Variants in TEX14 observed in about 807,000 individuals in gnomAD.
The protein encoded by TEX14 is inactive serine/threonine-protein kinase TEX14.
Under a neutral mutation model 178.6 loss-of-function variants are expected in TEX14, and 168 were observed. The ratio of observed to expected loss-of-function variants is 0.94; its 90% CI spans 0.83 to 1.07. The LOEUF (loss-of-function observed/expected upper bound fraction) is 1.07. Among genes scored for constraint, TEX14 ranks in the 50% least tolerant of loss-of-function variants. TEX14 has a pLI of 0.00. For missense variants in TEX14, 1,730 were observed against 1,753.6 expected (o/e 0.99, Z 0.24); for synonymous variants, 626 against 634.1 (o/e 0.99, Z 0.19).
chr17:58,565,699 G>A (rs1301450634), intron 27 of TEX14, 48 bp downstream of exon 27: 2 of 1,406,446 alleles, frequency 1.4e-6, no homozygotes, highest in South Asian at 1.2e-5. Flanking sequence ...TGTTGCCAAG[G>A]ACAGCGTTAA....
chr17:58,664,467 A>G (rs541174789), intron 1 of TEX14, among the ~76,000 whole-genome samples: 20 of 152,220 alleles, frequency 1.3e-4, no homozygotes, highest in Non-Finnish European at 2.5e-4. Flanking sequence ...TCAAGTCATT[A>G]CTTACATGTA....
intron 2 of TEX14, among the ~76,000 whole-genome samples, chr17:58,633,800 CTACTAAAAAG>C (rs2046373593): frequency 6.6e-6 from 1 of 152,034 alleles, no homozygotes; most frequent in African/African-American, 2.4e-5. Context: ...AACCTCGTCT[CTACTAAAAAG>C]TACAAAAATT....
chr17:58,570,051 A>C (rs2044484598), intron 25 of TEX14, among the ~76,000 whole-genome samples: 1 of 152,134 alleles, frequency 6.6e-6, no homozygotes, highest in African/African-American at 2.4e-5. Context: ...TTTAATAACA[A>C]GGGAAAAGCC....
chr17:58,592,027 C>CT (rs2045155646), intron 15 of TEX14, among the ~76,000 whole-genome samples: 2 of 150,554 alleles, frequency 1.3e-5, no homozygotes, highest in African/African-American at 4.9e-5. Context: ...CCACTGCACT[C>CT]TATCTAGCCT....
At chr17:58,587,791 A>C in intron 16 of TEX14, 105 bp downstream of exon 16, 1 of 1,196,132 alleles carries the variant, frequency 8.4e-7, no homozygotes, top group Non-Finnish European at 1.2e-6. Flanking sequence ...CCTACTCCCT[A>C]AGCCATTCCT....
chr17:58,630,378 T>C, intron 3 of TEX14, 62 bp downstream of exon 3: 1 of 1,313,294 alleles, frequency 7.6e-7, no homozygotes, highest in Non-Finnish European at 1.1e-6. Context: ...AATTAGTTTC[T>C]AAACAAACTC....
At chr17:58,666,064 T>C (rs869247008) in intron 1 of TEX14, among the ~76,000 whole-genome samples, 1 of 141,290 alleles carries the variant, frequency 7.1e-6, no homozygotes, top group Non-Finnish European at 1.5e-5. Flanking sequence ...AAAAAAAAAA[T>C]TGGGTGCCAT....
intron 1 of TEX14, among the ~76,000 whole-genome samples, chr17:58,674,854 A>G (rs78459607): frequency 6.6e-6 from 1 of 151,128 alleles, no homozygotes; most frequent in African/African-American, 2.4e-5. Flanking sequence ...AAAAAAAAAA[A>G]GGCAGGTAGG....
intron 18 of TEX14, among the ~76,000 whole-genome samples, chr17:58,585,519 G>A (rs2044935008): frequency 6.6e-6 from 1 of 151,438 alleles, no homozygotes; most frequent in Non-Finnish European, 1.5e-5. Context: ...ACAGCTCACT[G>A]CAACCTCCAC....
intron 9 of TEX14, 78 bp from the exon 10 acceptor site, chr17:58,611,417 G>A: frequency 9.3e-7 from 1 of 1,079,342 alleles, no homozygotes; most frequent in Non-Finnish European, 1.4e-6. Context: ...GTGATTTCCA[G>A]TCTTTCCATA....
At chr17:58,646,028 TGTA>T (rs1277329150) in intron 2 of TEX14, among the ~76,000 whole-genome samples, 1 of 152,204 alleles carries the variant, frequency 6.6e-6, no homozygotes, top group Non-Finnish European at 1.5e-5. Context: ...TATTTTTTAT[TGTA>T]GTGTTATTTT....
chr17:58,628,430 A>T (rs1299820135), intron 3 of TEX14, among the ~76,000 whole-genome samples: 2 of 151,512 alleles, frequency 1.3e-5, no homozygotes, highest in Non-Finnish European at 2.9e-5. Flanking sequence ...TACAAAAATT[A>T]GGCCGGGCGC....
At chr17:58,673,484 AAAATAAATAAATAAAT>A (rs76433652) in intron 1 of TEX14, among the ~76,000 whole-genome samples, 2 of 143,422 alleles carry the variant, frequency 1.4e-5, no homozygotes, top group Non-Finnish European at 3.0e-5. Context: ...CTCCATCTCA[AAAATAAATAAATAAAT>A]AAATAAATAA....
chr17:58,557,334 G>C (rs999490844), intron 31 of TEX14, among the ~76,000 whole-genome samples: 13 of 151,244 alleles, frequency 8.6e-5, no homozygotes, highest in African/African-American at 3.2e-4. Context: ...GCAATGGCGC[G>C]ACCTCGGCTC....
At chr17:58,686,409 G>A (rs2047592470) in intron 1 of TEX14, among the ~76,000 whole-genome samples, 1 of 152,148 alleles carries the variant, frequency 6.6e-6, no homozygotes, top group African/African-American at 2.4e-5. Flanking sequence ...AGAGGGCAAG[G>A]TTCTGGGAAT....
chr17:58,678,183 ATTGAT>A (rs2047427156), intron 1 of TEX14, among the ~76,000 whole-genome samples: 1 of 152,110 alleles, frequency 6.6e-6, no homozygotes, highest in Admixed American at 6.6e-5. Context: ...TTTAGATGTG[ATTGAT>A]TTAAGATGAA....
intron 20 of TEX14, among the ~76,000 whole-genome samples, chr17:58,578,578 C>T (rs1028191510): frequency 9.2e-5 from 14 of 152,122 alleles, no homozygotes; most frequent in Non-Finnish European, 7.3e-5. Flanking sequence ...GACTTTTTCA[C>T]ATACTTCATG....
intron 1 of TEX14, among the ~76,000 whole-genome samples, chr17:58,676,393 A>C (rs1375589083): frequency 2.0e-5 from 3 of 148,432 alleles, no homozygotes; most frequent in Non-Finnish European, 4.5e-5. Flanking sequence ...AACCAAAAAA[A>C]CAAAAAAAAA....
chr17:58,658,387 CTTTTTTT>C (rs34857563), intron 1 of TEX14, among the ~76,000 whole-genome samples: 10 of 95,032 alleles, frequency 1.1e-4, no homozygotes, highest in African/African-American at 3.1e-4. Flanking sequence ...TGTGCACCGG[CTTTTTTT>C]TTTTTTTTTT....
Sources: gnomAD v4.1 joint callset for allele counts (sites outside exome capture counted in the v4.1 genomes callset) on GRCh38, gnomAD v4.1.1 for gene constraint, MANE v1.5 for transcripts, NCBI Gene and HGNC (gene_info 2026-07-23, HGNC 2026-07-21) for gene names.